COL21A1: variants seen among roughly 807,000 people sequenced by gnomAD.
COL21A1 encodes collagen type XXI alpha 1 chain.
A neutral mutation model predicts 137.9 loss-of-function variants in COL21A1; 149 were observed. The ratio of observed to expected loss-of-function variants is 1.08; its 90% confidence interval spans 0.95 to 1.24. The LOEUF (loss-of-function observed/expected upper bound fraction) is 1.24. Ranked by LOEUF, COL21A1 falls within the 50% of genes most tolerant of loss-of-function variation. The pLI is 0.00. For missense variants in COL21A1, 1,167 were observed against 1,158.4 expected (o/e 1.01, Z -0.11); for synonymous variants, 456 against 391.5 (o/e 1.16, Z -1.95).
intron 1 of COL21A1, among the ~76,000 whole-genome samples, chr6:56,385,484 A>G (rs1218956191): frequency 6.6e-6 from 1 of 152,094 alleles, no homozygotes; most frequent in African/African-American, 2.4e-5. Flanking sequence ...AGGCAATTCG[A>G]GTCCTTCTCA....
At chr6:56,160,138 A>G (rs112012297) in intron 9 of COL21A1, among the ~76,000 whole-genome samples, 19 of 152,348 alleles carry the variant, frequency 1.2e-4, no homozygotes, top group African/African-American at 4.6e-4. Context: ...TAAAACTGGA[A>G]GAATAAAGTA....
intron 1 of COL21A1, among the ~76,000 whole-genome samples, chr6:56,295,530 G>C (rs1000380332): frequency 6.6e-6 from 1 of 151,896 alleles, no homozygotes; most frequent in African/African-American, 2.4e-5. Context: ...GATGAAGTTA[G>C]GAGGAAATGA....
At chr6:56,186,354 G>T (rs888805163) in intron 1 of COL21A1, among the ~76,000 whole-genome samples, 5 of 152,122 alleles carry the variant, frequency 3.3e-5, no homozygotes, top group African/African-American at 9.7e-5. Flanking sequence ...CTTAACCTAT[G>T]AATGTGAATG....
chr6:56,152,111 G>C (rs1287107295), intron 10 of COL21A1, among the ~76,000 whole-genome samples: 2 of 152,128 alleles, frequency 1.3e-5, no homozygotes, highest in Non-Finnish European at 2.9e-5. Flanking sequence ...AGTCTGAAAG[G>C]AATCTTAGAT....
chr6:56,322,884 CAAAAA>C (rs386407164), intron 1 of COL21A1, among the ~76,000 whole-genome samples: 1 of 129,802 alleles, frequency 7.7e-6, no homozygotes, highest in Non-Finnish European at 1.6e-5. Context: ...CCTCTGCTAT[CAAAAA>C]AAAAAAAAAA....
intron 1 of COL21A1, among the ~76,000 whole-genome samples, chr6:56,184,766 C>A (rs1026856402): frequency 1.3e-5 from 2 of 152,142 alleles, no homozygotes; most frequent in African/African-American, 4.8e-5. Context: ...GCGATGGCAT[C>A]TGGATATGAA....
In COL21A1 at chr6:56,098,594, AATAT is replaced by A. The variant is rs1261105535; in HGVS notation, c.1812+2874_1812+2877del. 8.4e-3 allele frequency among the ~76,000 whole-genome samples: 31 copies of A among 3,704 alleles called. 6 individuals carry two copies. The highest frequency in any genetic ancestry group is 0.03 in the African/African-American group (31 of 1,038). 2.4% of individuals were successfully genotyped at this position (3,704 alleles called of 152,430 possible). A position where few individuals can be genotyped will look rare whatever the true frequency, so the allele number is the denominator to read the frequency against. ...ATATATAAATATATATAAATATATAAATATATATATAAATATATATAAATATATA... is the reference window on the plus strand; with the variant it reads ...ATATATAAATATATATAAATATATAAATATATAAATATATATAAATATATA... On this transcript the variant is annotated intron_variant, in intron 17 of 29. Transcript: ENST00000244728.
At chr6:56,300,798 T>A (rs182313808) in intron 1 of COL21A1, among the ~76,000 whole-genome samples, 24 of 152,302 alleles carry the variant, frequency 1.6e-4, no homozygotes, top group African/African-American at 5.0e-4. Flanking sequence ...AAATCTATTT[T>A]ATTGATTGCT....
At chr6:56,178,214 AT>A (rs1489146606) in intron 3 of COL21A1, among the ~76,000 whole-genome samples, 1 of 152,184 alleles carries the variant, frequency 6.6e-6, no homozygotes, top group Non-Finnish European at 1.5e-5. Flanking sequence ...AGAATGAAAT[AT>A]ACCTGGCTTC....
At chr6:56,075,980 A>G (rs930935434) in intron 18 of COL21A1, among the ~76,000 whole-genome samples, 24 of 151,592 alleles carry the variant, frequency 1.6e-4, no homozygotes, top group African/African-American at 5.8e-4. Flanking sequence ...TCCTAGAAGG[A>G]ACATCCTCTG....
Position 56,077,534 on chromosome 6 carries a change from G to T in COL21A1, c.1852C>A (p.Gln618Lys). ...GFPGNRGLMG[Q>K]KGEIGPPGQQ... ...TAACTCTCATGAATACTTACCTTTTGGCCCATTAATCCTCGGTTTCCAGGA... is the reference window on the plus strand; with the variant it reads ...TAACTCTCATGAATACTTACCTTTTTGCCCATTAATCCTCGGTTTCCAGGA... The change falls in exon 18 of 30, where the codon CAA (glutamine) becomes AAA (lysine). Residue 618 changes from glutamine (Q) to lysine (K), a missense_variant. Coordinates refer to ENST00000244728, the MANE Select transcript of COL21A1 (RefSeq NM_030820.4). 1 of 1,575,570 alleles carries T rather than the reference G, an allele frequency of 6.3e-7. No individual in the cohort carries two copies. The highest frequency in any genetic ancestry group is 8.6e-7 in the Non-Finnish European group (1 of 1,158,878).
At chr6:56,326,152 T>G (rs1205140879) in intron 1 of COL21A1, among the ~76,000 whole-genome samples, 6 of 126,616 alleles carry the variant, frequency 4.7e-5, no homozygotes, top group African/African-American at 1.7e-4. Context: ...TAATATCATA[T>G]TTGATTAGAT....
chr6:56,194,747 A>C (rs568042067), intron 1 of COL21A1, among the ~76,000 whole-genome samples: 3 of 152,318 alleles, frequency 2.0e-5, no homozygotes, highest in Middle Eastern at 3.4e-3. Flanking sequence ...AATCACTTAG[A>C]GATCTTATTA....
chr6:56,159,477 C>T (rs1434922780), intron 9 of COL21A1, among the ~76,000 whole-genome samples: 2 of 151,912 alleles, frequency 1.3e-5, no homozygotes, highest in South Asian at 2.1e-4. Context: ...GGATTACAGG[C>T]ATGCGCCACC....
At chr6:56,130,462 T>C (rs74928867) in intron 12 of COL21A1, among the ~76,000 whole-genome samples, 10,125 of 151,808 alleles carry the variant, frequency 0.067, 397 homozygotes, top group Admixed American at 0.11. Context: ...AGCTGGGTAA[T>C]GAATGTTTAA....
At chr6:56,226,947 G>A (rs981663573) in intron 1 of COL21A1, among the ~76,000 whole-genome samples, 38 of 151,788 alleles carry the variant, frequency 2.5e-4, no homozygotes, top group African/African-American at 8.7e-4. Context: ...CGTATAGGGG[G>A]AGCCCACAAA....
In COL21A1 at chr6:56,343,066, A is replaced by T. The variant is rs552810176; in HGVS notation, c.-39+50905T>A. The stretch of plus-strand genomic sequence containing the variant: ...CCTTGCCTTTATCAAGTAGAACCTC[A>T]GATTATTTCTCAAGACAGTCCCAGG... On this transcript the variant is annotated intron_variant, in intron 1 of 28. Coordinates refer to the COL21A1 transcript ENST00000370819. Among the ~76,000 whole-genome samples the T allele has an allele frequency of 7.9e-4, 120 of 152,334 alleles. No individual in the cohort carries two copies. In the South Asian group the frequency reaches 9.8e-3, roughly 12 times the overall value.
chr6:56,175,470 T>C (rs531394499), intron 3 of COL21A1, among the ~76,000 whole-genome samples: 2 of 152,004 alleles, frequency 1.3e-5, no homozygotes, highest in East Asian at 1.9e-4. Context: ...ATTCAACATA[T>C]AAAAATCAGT....
At chr6:56,286,346 C>T (rs897226204) in intron 1 of COL21A1, among the ~76,000 whole-genome samples, 2 of 152,164 alleles carry the variant, frequency 1.3e-5, no homozygotes, top group Admixed American at 6.5e-5. Flanking sequence ...CACATGCAGG[C>T]ATACATACAC....
Sources: allele counts gnomAD v4.1 joint callset (sites outside exome capture counted in the v4.1 genomes callset), GRCh38; gene constraint gnomAD v4.1.1; transcripts MANE v1.5; gene names NCBI Gene and HGNC (gene_info 2026-07-23, HGNC 2026-07-21).